Variants in PLA2G4A observed in about 807,000 individuals in gnomAD.
PLA2G4A encodes the protein phospholipase A2 group IVA.
A neutral mutation model predicts 81.9 loss-of-function variants in PLA2G4A; 40 were observed. The observed-to-expected ratio is 0.49, with a 90% CI of 0.38 to 0.64. The LOEUF is 0.64. Ranked by LOEUF, PLA2G4A falls within the 30% of genes least tolerant of loss-of-function variation. PLA2G4A has a pLI of 0.00. For synonymous variants in PLA2G4A, 302 were observed against 296.9 expected (o/e 1.02, Z -0.18); for missense variants, 715 against 905.1 (o/e 0.79, Z 2.69).
chr1:186,950,045 A>G (rs890109391), intron 12 of PLA2G4A, among the ~76,000 whole-genome samples: 2 of 152,008 alleles, frequency 1.3e-5, no homozygotes, highest in Admixed American at 6.6e-5. Flanking sequence ...AAGAAAGATA[A>G]CTAGTTATTA....
chr1:186,834,379 G>GT (rs1050649993), intron 1 of PLA2G4A, among the ~76,000 whole-genome samples: 1 of 151,594 alleles, frequency 6.6e-6, no homozygotes, highest in African/African-American at 2.4e-5. Flanking sequence ...AAAGTCAAAC[G>GT]TTTTTTTCTT....
intron 7 of PLA2G4A, among the ~76,000 whole-genome samples, chr1:186,917,975 C>A (rs6686848): frequency 0.16 from 24,648 of 152,194 alleles, 3,210 homozygotes; most frequent in African/African-American, 0.36. Flanking sequence ...GACTCTTGCC[C>A]TAGGTGAGTG....
At chr1:186,984,832 T>C (rs1023922300) in intron 17 of PLA2G4A, among the ~76,000 whole-genome samples, 2 of 152,156 alleles carry the variant, frequency 1.3e-5, no homozygotes, top group African/African-American at 2.4e-5. Context: ...GAAAGAAGAA[T>C]TAAAAGTTTT....
intron 3 of PLA2G4A, among the ~76,000 whole-genome samples, chr1:186,875,473 A>G (rs1653431928): frequency 6.6e-6 from 1 of 152,118 alleles, no homozygotes; most frequent in Non-Finnish European, 1.5e-5. Flanking sequence ...ATTACAAGCC[A>G]TGAGAAAACA....
chr1:186,873,677 C>A (rs970079444), intron 3 of PLA2G4A, among the ~76,000 whole-genome samples: 4 of 152,042 alleles, frequency 2.6e-5, no homozygotes, highest in African/African-American at 9.7e-5. Context: ...AATCATGCTA[C>A]CCTAACTACC....
Position 186,977,629 on chromosome 1 carries a change from A to C in PLA2G4A, c.1801A>C (p.Lys601Gln). The C allele has an allele frequency of 6.2e-7, 1 of 1,613,756 alleles. No individual in the cohort carries two copies. The highest frequency in any genetic ancestry group is 8.5e-7 in the Non-Finnish European group (1 of 1,179,696). The change falls in exon 16 of 18, where the codon AAG becomes CAG. Residue 601 changes from lysine to glutamine, a missense_variant. Lys to Gln is a moderately conservative substitution (Grantham distance 53). Transcript: ENST00000367466. ...LLAEKWAKMN[K>Q]LPFPKIDPYV... is the part of the protein sequence containing the mutation. ...TGCAGAAAAGTGGGCTAAAATGAAC[A>C]AGCTCCCCTTTCCAAAGATTGATCC...
intron 5 of PLA2G4A, 57 bp downstream of exon 5, chr1:186,894,268 C>A: frequency 1.3e-6 from 1 of 787,632 alleles, no homozygotes; most frequent in South Asian, 1.4e-5. Flanking sequence ...TCTATTGATT[C>A]TGGGAAGTTG....
intron 1 of PLA2G4A, among the ~76,000 whole-genome samples, chr1:186,853,705 A>T (rs1056057572): frequency 2.6e-5 from 4 of 151,890 alleles, no homozygotes; most frequent in Admixed American, 1.3e-4. Context: ...TGTAGAAGAA[A>T]AAAGGAAAGT....
intron 17 of PLA2G4A, among the ~76,000 whole-genome samples, chr1:186,984,317 A>T (rs547535976): frequency 6.6e-6 from 1 of 152,148 alleles, no homozygotes; most frequent in African/African-American, 2.4e-5. Flanking sequence ...TGGAGGGAAT[A>T]TGTCTTCTGA....
In PLA2G4A at chr1:186,887,932, A is replaced by G. The variant is rs1457273941; in HGVS notation, c.116-5079A>G. 5.3e-5 allele frequency among the ~76,000 whole-genome samples: 8 copies of G among 152,278 alleles called. No homozygotes were observed. In the East Asian group the frequency reaches 1.4e-3, roughly 26 times the overall value. On this transcript the variant is annotated intron_variant, in intron 3 of 17. Coordinates refer to ENST00000367466, the MANE Select transcript of PLA2G4A (RefSeq NM_024420.3). ...GCCTCTTAAAACTTATTTTTATCCT[A>G]TCTACCACTGTTATAGATATTTCTT...
intron 15 of PLA2G4A, among the ~76,000 whole-genome samples, chr1:186,968,393 G>GGTGTGTGTGT (rs1291464246): frequency 0.012 from 391 of 31,558 alleles, 3 homozygotes; most frequent in South Asian, 0.056. Flanking sequence ...CTCTTTTCGC[G>GGTGTGTGTGT]GTGTGTATGT....
At chr1:186,833,143 C>T (rs911863187) in intron 1 of PLA2G4A, among the ~76,000 whole-genome samples, 2 of 152,108 alleles carry the variant, frequency 1.3e-5, no homozygotes, top group Non-Finnish European at 2.9e-5. Context: ...CAGTGGCTTA[C>T]ACCTGTAATC....
At chr1:186,955,435 G>A (rs1054268840) in intron 13 of PLA2G4A, among the ~76,000 whole-genome samples, 8 of 152,106 alleles carry the variant, frequency 5.3e-5, no homozygotes, top group Admixed American at 2.0e-4. Flanking sequence ...TGGATTTTCT[G>A]TGTGTAAGTT....
intron 3 of PLA2G4A, among the ~76,000 whole-genome samples, chr1:186,875,191 A>G (rs1458776208): frequency 1.3e-5 from 2 of 152,128 alleles, no homozygotes; most frequent in South Asian, 2.1e-4. Context: ...CCTGAGATCT[A>G]TAGGACTTGT....
chr1:186,873,828 G>A (rs1653372896), intron 3 of PLA2G4A, among the ~76,000 whole-genome samples: 1 of 151,998 alleles, frequency 6.6e-6, no homozygotes, highest in Admixed American at 6.6e-5. Context: ...TGAGGGCATT[G>A]ACAAGCCAAG....
chr1:186,841,141 T>A (rs570769059), intron 1 of PLA2G4A, among the ~76,000 whole-genome samples: 42 of 152,356 alleles, frequency 2.8e-4, no homozygotes, highest in Non-Finnish European at 1.5e-5. Flanking sequence ...TATTTCATAA[T>A]GGTCTGTGTG....
rs1359796123 is a variant in PLA2G4A, at chr1:186,911,247, G to A, written c.417-1G>A. The A allele has an allele frequency of 6.2e-7, 1 of 1,613,298 alleles. No homozygotes were observed. The highest frequency in any genetic ancestry group is 1.1e-5 in the South Asian group (1 of 91,072). On this transcript the variant is annotated splice_acceptor_variant, in intron 6 of 17. Transcript: ENST00000367466. LOFTEE classifies it high-confidence loss of function. ...ATGACTTTATCTGTTTGGTATTACA[G>A]CTCATGCCCAGACCTACGATTTAGT...
intron 2 of PLA2G4A, among the ~76,000 whole-genome samples, chr1:186,869,159 A>G (rs1396844189): frequency 2.0e-5 from 3 of 151,908 alleles, no homozygotes; most frequent in Admixed American, 1.3e-4. Context: ...TAATATATGC[A>G]TTCAGTGCTA....
At chr1:186,923,229 T>C (rs541488388) in intron 7 of PLA2G4A, among the ~76,000 whole-genome samples, 9 of 152,332 alleles carry the variant, frequency 5.9e-5, no homozygotes, top group African/African-American at 1.9e-4. Flanking sequence ...TTGTTTATCA[T>C]GTCAGGCTAA....
Sources: allele counts gnomAD v4.1 joint callset (sites outside exome capture counted in the v4.1 genomes callset), GRCh38; gene constraint gnomAD v4.1.1; transcripts MANE v1.5; gene names NCBI Gene and HGNC (gene_info 2026-07-23, HGNC 2026-07-21).